Variants in TMPO observed in about 807,000 individuals in gnomAD.
TMPO encodes the protein thymopoietin, also known as LEM domain containing 4.
Under a neutral mutation model 45.4 loss-of-function variants are expected in TMPO, and 22 were observed. The observed-to-expected ratio is 0.48, with a 90% confidence interval of 0.35 to 0.69. The LOEUF is 0.69. Ranked by LOEUF, TMPO falls within the 30% of genes least tolerant of loss-of-function variation. The pLI, the probability that TMPO is intolerant of heterozygous loss-of-function variation, is 0.01. For missense variants in TMPO, 512 were observed against 548.8 expected, an observed-to-expected ratio of 0.93 and a Z score of 0.67; for synonymous variants, 241 against 204.1, an observed-to-expected ratio of 1.18 and a Z score of -1.54.
chr12:98,523,071 C>G (rs780717948), intron 1 of TMPO, among the ~76,000 whole-genome samples: 1 of 152,136 alleles, frequency 6.6e-6, no homozygotes. Context: ...TTGAGTGAAA[C>G]TCTTAAGTGA....
At chr12:98,531,971 C>G in intron 3 of TMPO, 133 bp downstream of exon 3, 1 of 698,628 alleles carries the variant, frequency 1.4e-6, no homozygotes. Context: ...TAGAGTAATT[C>G]TGTAATTTGA....
rs534692287 is a variant in TMPO, at chr12:98,522,043, T to G, written c.280-5843T>G. 3.3e-5 allele frequency among the ~76,000 whole-genome samples: 5 copies of G among 152,188 alleles called. No homozygotes were observed. In the East Asian group the frequency reaches 7.7e-4, roughly 23 times the overall value. ...CCACGCCTGTCTGTGTGTTTGTTTG[T>G]TTTTTTAAGAGATAGGGTCTCGCTC... On this transcript the variant is annotated intron_variant, in intron 1 of 8. Transcript: ENST00000556029.
intron 2 of TMPO, among the ~76,000 whole-genome samples, chr12:98,530,933 G>T (rs1277265579): frequency 6.6e-6 from 1 of 152,180 alleles, no homozygotes; most frequent in Non-Finnish European, 1.5e-5. Flanking sequence ...GCTATTAAAA[G>T]AAATGTCATT....
chr12:98,515,663 G>T lies in TMPO; in HGVS notation c.-205G>T. 2 of 1,071,022 alleles carry T rather than the reference G, an allele frequency of 1.9e-6. No individual in the cohort carries two copies. Among genetic ancestry groups the T allele is most frequent in the East Asian group, 2.6e-5 (1 of 38,378 alleles). 66.3% of individuals were successfully genotyped at this position (1,071,022 alleles called of 1,614,324 possible). A position where few individuals can be genotyped will look rare whatever the true frequency, so the allele number is the denominator to read the frequency against. On this transcript the variant is annotated 5_prime_UTR_variant, in exon 1 of 9. Transcript: ENST00000556029. ...GCGAGCTTCCAGCTTGGCCGCAGTT[G>T]GTTCGTAGTTCGGCTCTGGGGTCTT...
rs114920815 is a variant in TMPO, at chr12:98,531,945, A to T, written c.565+107A>T. The T allele has an allele frequency of 3.0e-3, 2,675 of 879,698 alleles. 55 individuals are homozygous for T. In the African/African-American group the frequency reaches 0.041, roughly 13 times the overall value. The allele number at this position is 879,698 out of a possible 1,614,324, so 54.5% of individuals were successfully genotyped here. A position where few individuals can be genotyped will look rare whatever the true frequency, so the allele number is the denominator to read the frequency against. On this transcript the variant is annotated intron_variant, in intron 3 of 8. Transcript: ENST00000556029. ...AAAACAATATTGGCAAGATACACAAATTTTATTCGTGTCATTAGAGTAATT... is the reference window on the plus strand; with the variant it reads ...AAAACAATATTGGCAAGATACACAATTTTTATTCGTGTCATTAGAGTAATT...
intron 1 of TMPO, 50 bp from the exon 2 acceptor site, chr12:98,527,836 A>G: frequency 6.2e-7 from 1 of 1,606,664 alleles, no homozygotes; most frequent in Non-Finnish European, 8.5e-7. Flanking sequence ...ATTATCTAGT[A>G]AGTGAACACT....
chr12:98,515,954 C>T lies in TMPO; in HGVS notation c.87C>T (p.Ala29=), dbSNP rs114074541. Residue 29 remains alanine, a synonymous_variant, in exon 1 of 9, where the codon GCC becomes GCT. Coordinates refer to ENST00000556029, the MANE Select transcript of TMPO (RefSeq NM_001032283.3). ...TCGCCAACAATGTGACGCTGCCGGC[C>T]GGGGAGCAGCGCAAAGACGTGTACG... ...ELVANNVTLP[A]GEQRKDVYVQ... is the part of the protein sequence containing the mutation. The T allele has an allele frequency of 4.4e-4, 705 of 1,613,268 alleles. 3 individuals are homozygous for T. The African/African-American group carries it at 4.5e-3, about 10-fold the overall frequency.
chr12:98,541,611 A>G (rs1413999628), intron 4 of TMPO, among the ~76,000 whole-genome samples: 1 of 152,228 alleles, frequency 6.6e-6, no homozygotes, highest in Non-Finnish European at 1.5e-5. Flanking sequence ...AAGTCACTTG[A>G]AAGAATTTTT....
chr12:98,517,365 C>G (rs1346020551), intron 1 of TMPO, among the ~76,000 whole-genome samples: 1 of 152,126 alleles, frequency 6.6e-6, no homozygotes, highest in African/African-American at 2.4e-5. Context: ...TTGCTTATGC[C>G]TGCCGAGTTA....
At position 98,527,919 on chromosome 12, in the gene TMPO, G is replaced by C; in HGVS notation, c.313G>C (p.Glu105Gln). 1 of 1,613,894 alleles carries C rather than the reference G, an allele frequency of 6.2e-7. No homozygotes were observed. Among genetic ancestry groups the C allele is most frequent in the Non-Finnish European group, 8.5e-7 (1 of 1,179,914 alleles). ...AAAAAAAACTGATAAACCCAGACAA[G>C]AAGATAAAGATGATCTAGATGTAAC... ...ATKKTDKPRQ[E>Q]DKDDLDVTEL... The change falls in exon 2 of 9, where the codon GAA becomes CAA. Residue 105 changes from glutamate to glutamine, a missense_variant. By Grantham distance (29) the Glu-to-Gln change is conservative. Coordinates refer to ENST00000556029, the MANE Select transcript of TMPO (RefSeq NM_001032283.3).
chr12:98,536,839 A>C (rs1297620099), intron 3 of TMPO, among the ~76,000 whole-genome samples: 2 of 152,218 alleles, frequency 1.3e-5, no homozygotes, highest in Non-Finnish European at 2.9e-5. Context: ...TTTTATTATA[A>C]GGACTGGGAC....
chr12:98,523,429 G>A (rs1009560401), intron 1 of TMPO, among the ~76,000 whole-genome samples: 7 of 151,720 alleles, frequency 4.6e-5, no homozygotes, highest in South Asian at 2.1e-4. Context: ...ATGGTGTTGC[G>A]CGCTTGTAAT....
At chr12:98,527,525 T>TTAA (rs368002599) in intron 1 of TMPO, 5 of 159,580 alleles carry the variant, frequency 3.1e-5, no homozygotes, top group Non-Finnish European at 5.9e-5. Context: ...CCTGTATCAT[T>TTAA]AAAAAAAAAA....
chr12:98,536,918 G>A (rs975026528), intron 3 of TMPO, among the ~76,000 whole-genome samples: 1 of 151,970 alleles, frequency 6.6e-6, no homozygotes, highest in Admixed American at 6.6e-5. Context: ...GTTGTACCTA[G>A]GTTTTTTATA....
rs758682627 is a variant in TMPO at position 98,515,826 on chromosome 12, G to T, written c.-42G>T. On this transcript the variant is annotated 5_prime_UTR_variant, in exon 1 of 9. Coordinates refer to ENST00000556029, the MANE Select transcript of TMPO (RefSeq NM_001032283.3). ...GAGCAAGCGCGCCGGCGTGAGCGGC[G>T]GCGGCAAAGGCTGTGGGGAGGGGGC... 8.8e-6 allele frequency: 14 copies of T among 1,586,050 alleles called. No individual in the cohort carries two copies. The South Asian group carries it at 1.6e-4, about 18-fold the overall frequency.
chr12:98,516,105 G>T lies in TMPO; in HGVS notation c.238G>T (p.Gly80Trp). 6.4e-7 allele frequency: 1 copy of T among 1,551,214 alleles called. No individual in the cohort carries two copies. The highest frequency in any genetic ancestry group is 1.4e-5 in the African/African-American group (1 of 72,278). Residue 80 changes from glycine (G) to tryptophan (W), a missense_variant, in exon 1 of 9, where the codon GGG becomes TGG. Around this residue, in one of 3 missense-constraint regions of TMPO, gnomAD observed 299 missense variants for 296.7 expected, o/e 1.01. Transcript: ENST00000556029. ...EREPTPVLGSGAAAAGRSRAA... is the reference protein window; with the variant it reads ...EREPTPVLGSWAAAAGRSRAA... ...CGAGCCCACCCCGGTCCTCGGCTCT[G>T]GGGCCGCCGCCGCGGGCCGGAGCCG...
At position 98,547,976 on chromosome 12, in the gene TMPO, G is replaced by T; in HGVS notation, c.*118G>T. ...ATAATGTGATTTCGCCTCAATAAAT[G>T]TAGTATTTCATTGAAAAGCAAACAA... On this transcript the variant is annotated 3_prime_UTR_variant, in exon 9 of 9. Transcript: ENST00000556029. 2 of 1,210,706 alleles carry T rather than the reference G, an allele frequency of 1.7e-6. No individual in the cohort carries two copies. The highest frequency in any genetic ancestry group is 2.3e-5 in the East Asian group (1 of 42,636). 75.0% of individuals were successfully genotyped at this position (1,210,706 alleles called of 1,614,324 possible).
intron 1 of TMPO, chr12:98,527,596 T>C (rs1347622469): frequency 7.4e-6 from 2 of 269,874 alleles, no homozygotes. Flanking sequence ...AGTTGCTCTT[T>C]TGCATTTTTG....
chr12:98,543,003 A>C (rs537517292), intron 4 of TMPO, among the ~76,000 whole-genome samples: 2 of 152,346 alleles, frequency 1.3e-5, no homozygotes, highest in South Asian at 4.1e-4. Context: ...TCAGATTGTG[A>C]CTTAAAACTC....
Sources: gnomAD v4.1 joint callset for allele counts (sites outside exome capture counted in the v4.1 genomes callset) on GRCh38, gnomAD v4.1.1 for gene constraint, gnomAD v4.1.1 regional missense constraint, MANE v1.5 for transcripts, NCBI Gene and HGNC (gene_info 2026-07-23, HGNC 2026-07-21) for gene names.